The following OR1A1 variants were observed in gnomAD, a reference collection of about 807,000 sequenced individuals.
The protein encoded by OR1A1 is olfactory receptor 1A1.
For synonymous variants in OR1A1, 145 were observed against 147.8 expected (o/e 0.98, Z 0.13); for missense variants, 391 against 379.9 (o/e 1.03, Z -0.24).
At chr17:3,208,244 T>C (rs962665990) in intron 1 of OR1A1, among the ~76,000 whole-genome samples, 1 of 152,132 alleles carries the variant, frequency 6.6e-6, no homozygotes, top group Non-Finnish European at 1.5e-5. Flanking sequence ...ATGTTTCTCC[T>C]TGGGCTGTTG....
intron 2 of OR1A1, 146 bp downstream of exon 2, chr17:3,209,144 A>G (rs891046896): frequency 1.3e-5 from 2 of 152,216 alleles, no homozygotes; most frequent in African/African-American, 4.8e-5. Context: ...CCTAAGCAGT[A>G]TACACTGCAC....
chr17:3,212,751 A>G (rs1162492588), intron 3 of OR1A1, 152 bp downstream of exon 3: 1 of 152,240 alleles, frequency 6.6e-6, no homozygotes, highest in Non-Finnish European at 1.5e-5. Flanking sequence ...AGCCAAGGAA[A>G]TCAAGGACGT....
In OR1A1 at chr17:3,208,687, TC is replaced by T. The variant is rs1447306584; in HGVS notation, c.-447del. Reference sequence around the variant, plus strand: ...CGCAATGTTCAAGGCCCTGACGTCATCCCAGTGAACTCAAGGCCCGCTACGT... The same window carrying T: ...CGCAATGTTCAAGGCCCTGACGTCATCCAGTGAACTCAAGGCCCGCTACGT... On this transcript the variant is annotated 5_prime_UTR_variant, in exon 2 of 4. The change abolishes the stop of an existing upstream ORF in the 5' untranslated region. Transcript: ENST00000641732. 6.6e-6 allele frequency: 1 copy of T among 152,006 alleles called. No homozygotes were observed. The highest frequency in any genetic ancestry group is 1.5e-5 in the Non-Finnish European group (1 of 68,010). The allele number at this position is 152,006 out of a possible 1,614,324, so 9.4% of individuals were successfully genotyped here.
In OR1A1 at chr17:3,218,296, T is replaced by C. The variant is rs1218943448; in HGVS notation, c.*1746T>C. The C allele has an allele frequency of 6.6e-6, 1 of 152,018 alleles. No individual in the cohort carries two copies. Among genetic ancestry groups the C allele is most frequent in the East Asian group, 1.9e-4 (1 of 5,176 alleles). 9.4% of individuals were successfully genotyped at this position (152,018 alleles called of 1,614,324 possible). A position where few individuals can be genotyped will look rare whatever the true frequency, so the allele number is the denominator to read the frequency against. The stretch of plus-strand genomic sequence containing the variant: ...ATATGCTGGAGAGGATGTGGAGAAA[T>C]AGGAAGGTTTTTACACTGTTGGTGG... On this transcript the variant is annotated 3_prime_UTR_variant, in exon 4 of 4. Coordinates refer to ENST00000641732, the MANE Select transcript of OR1A1 (RefSeq NM_014565.3).
At chr17:3,211,136 C>CCT (rs2048439247) in intron 2 of OR1A1, among the ~76,000 whole-genome samples, 1 of 152,202 alleles carries the variant, frequency 6.6e-6, no homozygotes, top group Non-Finnish European at 1.5e-5. Context: ...TCATGTCACA[C>CCT]ACCACTTTCT....
chr17:3,211,340 AT>A (rs34912689), intron 2 of OR1A1, among the ~76,000 whole-genome samples: 132,971 of 148,844 alleles, frequency 0.89, 59,657 homozygotes, highest in Non-Finnish European at 0.92. Context: ...TCCTAAATGA[AT>A]TTTTTTTTTT....
At chr17:3,213,713 C>G (rs2048453705) in intron 3 of OR1A1, 1 of 152,162 alleles carries the variant, frequency 6.6e-6, no homozygotes, top group Non-Finnish European at 1.5e-5. Flanking sequence ...TCAGCCTCCT[C>G]TCCATTTGCA....
chr17:3,208,343 G>A (rs2048422952), intron 1 of OR1A1, among the ~76,000 whole-genome samples: 1 of 152,134 alleles, frequency 6.6e-6, no homozygotes, highest in Non-Finnish European at 1.5e-5. Context: ...TATAGTGTGT[G>A]TGTGCATGTG....
At chr17:3,214,865 A>G (rs1000983798) in intron 3 of OR1A1, 2 of 94,918 alleles carry the variant, frequency 2.1e-5, no homozygotes, top group Admixed American at 2.0e-4. Flanking sequence ...AAAAAAAACC[A>G]ACAACTCTTT....
rs1460938677 is a variant in OR1A1 at position 3,217,958 on chromosome 17, G to A, written c.*1408G>A. ...AATTAAACTAAAGAGCTTCTGCACAGCAAAAGAAACTATCATCAGAGTGAA... is the reference window on the plus strand; with the variant it reads ...AATTAAACTAAAGAGCTTCTGCACAACAAAAGAAACTATCATCAGAGTGAA... On this transcript the variant is annotated 3_prime_UTR_variant, in exon 4 of 4. Transcript: ENST00000641732. The A allele has an allele frequency of 5.3e-5, 8 of 152,124 alleles. No homozygotes were observed. The highest frequency in any genetic ancestry group is 1.9e-4 in the African/African-American group (8 of 41,436). The allele number at this position is 152,124 out of a possible 1,614,324, so 9.4% of individuals were successfully genotyped here.
In OR1A1 at chr17:3,216,768, C is replaced by G; in HGVS notation, c.*218C>G. The G allele has an allele frequency of 2.0e-6, 1 of 506,700 alleles. No individual in the cohort carries two copies. The highest frequency in any genetic ancestry group is 3.5e-6 in the Non-Finnish European group (1 of 285,790). 31.4% of individuals were successfully genotyped at this position (506,700 alleles called of 1,614,324 possible). A position where few individuals can be genotyped will look rare whatever the true frequency, so the allele number is the denominator to read the frequency against. ...TGCTCTTTTTGGCAGAGTGGCAGCA[C>G]AGGGATATAGGGCATATGTCCTGAT... On this transcript the variant is annotated 3_prime_UTR_variant, in exon 4 of 4. Coordinates refer to ENST00000641732, the MANE Select transcript of OR1A1 (RefSeq NM_014565.3).
At chr17:3,210,162 A>AT (rs34342186) in intron 2 of OR1A1, among the ~76,000 whole-genome samples, 49 of 121,470 alleles carry the variant, frequency 4.0e-4, no homozygotes, top group Admixed American at 1.1e-3. Context: ...TTTCTTTTCC[A>AT]TTTTTTTTTT....
At chr17:3,210,895 C>T (rs187996814) in intron 2 of OR1A1, among the ~76,000 whole-genome samples, 72 of 152,246 alleles carry the variant, frequency 4.7e-4, no homozygotes, top group African/African-American at 1.7e-3. Context: ...TGTGAGCCAC[C>T]GTGCCTGGCC....
intron 1 of OR1A1, 37 bp from the exon 2 acceptor site, chr17:3,208,544 A>T (rs2048424160): frequency 6.6e-6 from 1 of 152,230 alleles, no homozygotes; most frequent in Admixed American, 6.5e-5. Flanking sequence ...ACTGCTACCC[A>T]GATAAGGGGA....
In OR1A1 at chr17:3,215,897, T is replaced by G. The variant is rs752322587; in HGVS notation, c.277T>G (p.Ser93Ala). The change falls in exon 4 of 4, where the codon TCT becomes GCT. Residue 93 changes from serine (S) to alanine (A), a missense_variant. Physicochemically the swap from Ser to Ala is moderately conservative, Grantham distance 99. Transcript: ENST00000641732. ...CCATCTCTTGGGCAGCAAATCCATC[T>G]CTTTTGGGGGATGCCTAACGCAGAT... is the stretch of plus-strand genomic sequence containing the variant. The part of the protein sequence containing the change: ...ANHLLGSKSI[S>A]FGGCLTQMYF... The G allele has an allele frequency of 1.1e-5, 18 of 1,614,030 alleles. No individual in the cohort carries two copies. Among genetic ancestry groups the G allele is most frequent in the Non-Finnish European group, 1.5e-5 (18 of 1,180,040 alleles).
At position 3,216,173 on chromosome 17, in the gene OR1A1, C is replaced by A. The variant is rs772499852; in HGVS notation, c.553C>A (p.Leu185Met). The change falls in exon 4 of 4, where the codon CTG becomes ATG. Residue 185 changes from leucine to methionine, a missense_variant. Transcript: ENST00000641732. ...ANFYCDITPL[L>M]KLSCSDIHFH... ...CTTCTACTGTGACATTACCCCCTTG[C>A]TGAAGTTATCCTGTTCTGACATCCA... The A allele has an allele frequency of 5.6e-6, 9 of 1,614,070 alleles. No homozygotes were observed. The African/African-American group carries it at 9.3e-5, about 17-fold the overall frequency.
At chr17:3,209,263 A>T (rs1018923596) in intron 2 of OR1A1, among the ~76,000 whole-genome samples, 3 of 151,984 alleles carry the variant, frequency 2.0e-5, no homozygotes, top group African/African-American at 7.3e-5. Flanking sequence ...TAGCTCCCAC[A>T]TATCAGTGAG....
In OR1A1 at chr17:3,217,499, C is replaced by G. The variant is rs9303164; in HGVS notation, c.*949C>G. On this transcript the variant is annotated 3_prime_UTR_variant, in exon 4 of 4. Transcript: ENST00000641732. ...ATCATAAGCAAAAAGAACAAAGCTA[C>G]AGGCATCATGCTACTTGACTTCAAA... is the stretch of plus-strand genomic sequence containing the variant. 96,294 of 151,996 alleles carry G rather than the reference C, an allele frequency of 0.63. 31,496 individuals are homozygous for G. The highest frequency in any genetic ancestry group is 0.75 in the African/African-American group (31,062 of 41,480). The allele number at this position is 151,996 out of a possible 1,614,324, so 9.4% of individuals were successfully genotyped here. A position where few individuals can be genotyped will look rare whatever the true frequency, so the allele number is the denominator to read the frequency against.
intron 3 of OR1A1, chr17:3,214,673 G>A (rs2048458262): frequency 6.6e-6 from 1 of 152,160 alleles, no homozygotes; most frequent in Admixed American, 6.5e-5. Context: ...GGCAGTATGA[G>A]TGAAGTGGAA....
Sources: gnomAD v4.1 joint callset for allele counts (sites outside exome capture counted in the v4.1 genomes callset) on GRCh38, gnomAD v4.1.1 for gene constraint, MANE v1.5 for transcripts, NCBI Gene and HGNC (gene_info 2026-07-23, HGNC 2026-07-21) for gene names.